SORCS1: variants seen among roughly 807,000 people sequenced by gnomAD.
SORCS1 encodes the protein sortilin related VPS10 domain containing receptor 1.
A neutral mutation model predicts 146.1 loss-of-function variants in SORCS1; 60 were observed. That is an observed-to-expected ratio of 0.41 (90% CI 0.33 to 0.51). The LOEUF is 0.51. SORCS1 is among the 20% of genes least tolerant of loss of function. The pLI, the probability that SORCS1 is intolerant of heterozygous loss-of-function variation, is 0.21. For missense variants in SORCS1, 1,352 were observed against 1,487.6 expected (o/e 0.91, Z 1.50); for synonymous variants, 637 against 584.0 (o/e 1.09, Z -1.31).
intron 10 of SORCS1, among the ~76,000 whole-genome samples, chr10:106,686,606 C>T (rs1052891974): frequency 2.6e-5 from 4 of 152,178 alleles, no homozygotes; most frequent in African/African-American, 9.7e-5. Context: ...CAATAAATAG[C>T]TGCTACATTT....
intron 6 of SORCS1, among the ~76,000 whole-genome samples, chr10:106,725,924 C>A (rs1267229477): frequency 1.1e-5 from 1 of 92,876 alleles, no homozygotes; most frequent in African/African-American, 4.2e-5. Flanking sequence ...GAGTGAGACT[C>A]TGTCTCAGGA....
At chr10:106,922,488 C>T (rs1429891692) in intron 2 of SORCS1, among the ~76,000 whole-genome samples, 1 of 152,168 alleles carries the variant, frequency 6.6e-6, no homozygotes, top group Non-Finnish European at 1.5e-5. Flanking sequence ...CATCAAATAA[C>T]GAAACCAGTC....
intron 2 of SORCS1, among the ~76,000 whole-genome samples, chr10:106,861,782 G>A (rs1046297383): frequency 2.0e-5 from 3 of 152,014 alleles, no homozygotes; most frequent in African/African-American, 4.8e-5. Flanking sequence ...CCAGCTACTC[G>A]GGAGGCTGAG....
intron 6 of SORCS1, among the ~76,000 whole-genome samples, chr10:106,729,445 T>C (rs76304833): frequency 2.3e-4 from 10 of 44,182 alleles, no homozygotes; most frequent in Non-Finnish European, 2.9e-4. Context: ...CTCTCTCTCT[T>C]TTTTTTTTTT....
At chr10:106,965,532 C>T (rs963436945) in intron 1 of SORCS1, among the ~76,000 whole-genome samples, 4 of 152,112 alleles carry the variant, frequency 2.6e-5, no homozygotes, top group African/African-American at 4.8e-5. Flanking sequence ...TAACTTGTAG[C>T]GTCTATTTGA....
chr10:107,024,931 C>T (rs767515140), intron 1 of SORCS1, among the ~76,000 whole-genome samples: 6 of 152,228 alleles, frequency 3.9e-5, no homozygotes, highest in African/African-American at 1.4e-4. Context: ...GAAGACAATA[C>T]TCTATTTTGG....
chr10:107,176,941 AAG>A, the SORCS1 span, among the ~76,000 whole-genome samples: 2 of 152,074 alleles, frequency 1.3e-5, no homozygotes, highest in Admixed American at 6.6e-5. Flanking sequence ...TGTACTTACT[AAG>A]AGAGGTGTAT....
rs567935501 is a variant in SORCS1, at chr10:106,953,888, A to C, written c.626+2625T>G. ...ATGACAGTATGCATCCTTCAGTGAA[A>C]TTCATCTTAAGATTGAGAAGCCAGC... On this transcript the variant is annotated intron_variant, in intron 2 of 25. Transcript: ENST00000263054. 2.0e-5 allele frequency among the ~76,000 whole-genome samples: 3 copies of C among 152,344 alleles called. No individual in the cohort carries two copies. In the East Asian group the frequency reaches 5.8e-4, roughly 29 times the overall value.
chr10:106,878,732 A>T (rs1481048033), intron 2 of SORCS1, among the ~76,000 whole-genome samples: 1 of 146,080 alleles, frequency 6.8e-6, no homozygotes, highest in Non-Finnish European at 1.5e-5. Context: ...TTTTTGTGTA[A>T]TTTTGTGTAA....
At chr10:107,020,943 G>C (rs1405394820) in intron 1 of SORCS1, among the ~76,000 whole-genome samples, 1 of 151,582 alleles carries the variant, frequency 6.6e-6, no homozygotes, top group East Asian at 1.9e-4. Context: ...CATTCATTTG[G>C]GTAATTAAAC....
chr10:106,661,219 G>A (rs1172254447), intron 17 of SORCS1, among the ~76,000 whole-genome samples: 4 of 152,128 alleles, frequency 2.6e-5, no homozygotes, highest in Admixed American at 2.6e-4. Flanking sequence ...GGTTATTTCG[G>A]CACTAACATG....
chr10:107,057,697 C>A (rs1488462893), intron 1 of SORCS1, among the ~76,000 whole-genome samples: 1 of 152,206 alleles, frequency 6.6e-6, no homozygotes, highest in African/African-American at 2.4e-5. Flanking sequence ...ATTTGCCGAG[C>A]ATTTTTGTTG....
intron 1 of SORCS1, among the ~76,000 whole-genome samples, chr10:107,091,810 T>C (rs61867231): frequency 0.1 from 15,199 of 152,294 alleles, 1,030 homozygotes; most frequent in Non-Finnish European, 0.14. Flanking sequence ...TCAACTCTTT[T>C]CACTCTTCCA....
chr10:106,692,979 G>T (rs1051607858), intron 9 of SORCS1, among the ~76,000 whole-genome samples: 3 of 151,712 alleles, frequency 2.0e-5, no homozygotes, highest in Non-Finnish European at 4.4e-5. Flanking sequence ...TAAATTTCTA[G>T]AATACAAAAA....
chr10:107,170,437 A>G, the SORCS1 span, among the ~76,000 whole-genome samples: 1 of 152,244 alleles, frequency 6.6e-6, no homozygotes, highest in Non-Finnish European at 1.5e-5. Flanking sequence ...CAATGATTGC[A>G]AAACCAAAAG....
intron 1 of SORCS1, among the ~76,000 whole-genome samples, chr10:107,041,203 G>A (rs1959139393): frequency 6.6e-6 from 1 of 151,968 alleles, no homozygotes; most frequent in East Asian, 1.9e-4. Context: ...AGTAAAATAC[G>A]ATATATTTTA....
At position 106,652,503 on chromosome 10, in the gene SORCS1, T is replaced by C; in HGVS notation, c.2354A>G (p.Tyr785Cys). The C allele has an allele frequency of 1.2e-6, 2 of 1,614,142 alleles. No homozygotes were observed. The highest frequency in any genetic ancestry group is 1.7e-6 in the Non-Finnish European group (2 of 1,180,006). Reference sequence around the variant, plus strand: ...TGGGCACTTCTGCGGTTTGGCAGTGTACTGTTCCCTTACGCCATCAGTGCA... The same window carrying C: ...TGGGCACTTCTGCGGTTTGGCAGTGCACTGTTCCCTTACGCCATCAGTGCA... ...NNCTDGVREQ[Y>C]TAKPQKCPGK... The change falls in exon 18 of 26, where the codon TAC becomes TGC. Residue 785 changes from tyrosine to cysteine, a missense_variant. Coordinates refer to ENST00000263054, the MANE Select transcript of SORCS1 (RefSeq NM_052918.5).
intron 4 of SORCS1, among the ~76,000 whole-genome samples, chr10:106,769,905 A>T (rs953684967): frequency 1.3e-5 from 2 of 152,150 alleles, no homozygotes; most frequent in African/African-American, 4.8e-5. Context: ...AGCCTGGCCA[A>T]CATGGTCAAA....
intron 5 of SORCS1, among the ~76,000 whole-genome samples, chr10:106,748,311 T>C (rs976184534): frequency 2.6e-5 from 4 of 152,200 alleles, no homozygotes; most frequent in African/African-American, 9.7e-5. Flanking sequence ...TTCATGATTA[T>C]AACATCTGTT....
Sources: allele counts gnomAD v4.1 joint callset (sites outside exome capture counted in the v4.1 genomes callset), GRCh38; gene constraint gnomAD v4.1.1; transcripts MANE v1.5; gene names NCBI Gene and HGNC (gene_info 2026-07-23, HGNC 2026-07-21).